PIAS2: variants seen among roughly 807,000 people sequenced by gnomAD.
PIAS2 encodes E3 SUMO-protein ligase PIAS2.
In PIAS2, 19 loss-of-function variants were observed where a neutral mutation model predicts 69.7. The ratio of observed to expected loss-of-function variants is 0.27; its 90% CI spans 0.19 to 0.40. PIAS2 has a LOEUF of 0.40. Ranked by LOEUF, PIAS2 falls within the 10% of genes least tolerant of loss-of-function variation. PIAS2 has a pLI of 1.00. For missense variants in PIAS2, 624 were observed against 757.0 expected (o/e 0.82, Z 2.06); for synonymous variants, 261 against 263.2 (o/e 0.99, Z 0.08).
intron 5 of PIAS2, among the ~76,000 whole-genome samples, chr18:46,849,878 T>C (rs960620515): frequency 2.0e-5 from 3 of 152,134 alleles, no homozygotes; most frequent in Admixed American, 6.5e-5. Flanking sequence ...ACCACAAAAA[T>C]ACACATTTCT....
intron 12 of PIAS2, among the ~76,000 whole-genome samples, chr18:46,819,931 C>T (rs2041985260): frequency 6.6e-6 from 1 of 152,040 alleles, no homozygotes; most frequent in Admixed American, 6.6e-5. Flanking sequence ...ACAGTAGATT[C>T]CCCCTTATCC....
chr18:46,847,107 T>C (rs754944225), intron 5 of PIAS2, among the ~76,000 whole-genome samples: 1 of 152,204 alleles, frequency 6.6e-6, no homozygotes, highest in African/African-American at 2.4e-5. Context: ...TCTTGCCACA[T>C]TGGCTATGAA....
rs2044442379 is a variant in PIAS2 at position 46,836,415 on chromosome 18, T to C, written c.1144A>G (p.Thr382Ala). 2.5e-6 allele frequency: 4 copies of C among 1,614,050 alleles called. No individual in the cohort carries two copies. Among genetic ancestry groups the C allele is most frequent in the East Asian group, 2.2e-5 (1 of 44,874 alleles). ...TTGTCACACACAGGACAAATCCAGG[T>C]GGGCTTTTTCTCATTCATTTGTAGA... ...LYLQMNEKKP[T>A]WICPVCDKKA... The change falls in exon 9 of 14, where the codon ACC (threonine) becomes GCC (alanine). Residue 382 changes from threonine to alanine, a missense_variant. Around this residue, in one of 3 missense-constraint regions of PIAS2, gnomAD observed 44 missense variants for 90.9 expected, o/e 0.48. Coordinates refer to ENST00000585916, the MANE Select transcript of PIAS2 (RefSeq NM_004671.5).
chr18:46,829,206 G>C (rs1451419295), intron 10 of PIAS2, among the ~76,000 whole-genome samples: 2 of 152,196 alleles, frequency 1.3e-5, no homozygotes, highest in African/African-American at 4.8e-5. Context: ...ACTTAGTGTG[G>C]ATGGATGCAG....
intron 2 of PIAS2, among the ~76,000 whole-genome samples, chr18:46,874,988 G>C (rs2050937788): frequency 6.6e-6 from 1 of 152,146 alleles, no homozygotes; most frequent in Non-Finnish European, 1.5e-5. Flanking sequence ...TCCACAGCCA[G>C]AGAAAAATGA....
chr18:46,815,299 TCAGGATA>T lies in PIAS2; in HGVS notation c.1686+6_1686+12del. On this transcript the variant is annotated splice_donor_region_variant and intron_variant, in intron 13 of 13. Transcript: ENST00000585916. ...TCAAATACAAATTAGTTGCTTAAATTCAGGATACATACCTGGGGATCAACTGGAATAA... is the reference window on the plus strand; with the variant it reads ...TCAAATACAAATTAGTTGCTTAAATTCATACCTGGGGATCAACTGGAATAA... 1 of 1,608,734 alleles carries T rather than the reference TCAGGATA, an allele frequency of 6.2e-7. No individual in the cohort carries two copies. Among genetic ancestry groups the T allele is most frequent in the Non-Finnish European group, 8.5e-7 (1 of 1,176,042 alleles).
chr18:46,899,293 G>A (rs1207997009), intron 1 of PIAS2, among the ~76,000 whole-genome samples: 1 of 152,174 alleles, frequency 6.6e-6, no homozygotes, highest in African/African-American at 2.4e-5. Flanking sequence ...CACTGAAATA[G>A]TAACTGAATA....
intron 8 of PIAS2, among the ~76,000 whole-genome samples, chr18:46,838,401 T>C (rs1035399632): frequency 2.0e-5 from 3 of 152,122 alleles, no homozygotes; most frequent in South Asian, 2.1e-4. Flanking sequence ...AGTTAGAAAA[T>C]GGCAGAGCAG....
At chr18:46,824,839 C>CAAA (rs35873943) in intron 11 of PIAS2, among the ~76,000 whole-genome samples, 2 of 91,586 alleles carry the variant, frequency 2.2e-5, no homozygotes, top group South Asian at 3.3e-4. Flanking sequence ...CCCATGTTTA[C>CAAA]AAAAAAAAAA....
intron 2 of PIAS2, among the ~76,000 whole-genome samples, chr18:46,884,050 A>G (rs943460119): frequency 3.9e-5 from 6 of 152,190 alleles, no homozygotes; most frequent in Non-Finnish European, 8.8e-5. Context: ...CAAGCTAACT[A>G]AACTTTTTTT....
At chr18:46,856,009 T>C (rs1469223565) in intron 3 of PIAS2, among the ~76,000 whole-genome samples, 13 of 120,494 alleles carry the variant, frequency 1.1e-4, no homozygotes, top group Non-Finnish European at 2.0e-4. Flanking sequence ...TTTTTTTTTT[T>C]TTTTTTTTTT....
chr18:46,829,182 C>A, intron 10 of PIAS2, among the ~76,000 whole-genome samples: 1 of 152,154 alleles, frequency 6.6e-6, no homozygotes, highest in Non-Finnish European at 1.5e-5. Context: ...ACTCCAAATG[C>A]CCTCAGTTTC....
chr18:46,845,066 T>C, intron 6 of PIAS2: 1 of 295,410 alleles, frequency 3.4e-6, no homozygotes, highest in Non-Finnish European at 6.2e-6. Flanking sequence ...CTTTAAAACA[T>C]TCGCTGGTAT....
rs761262011 is a variant in PIAS2, at chr18:46,914,611, G to C, written c.24+2711C>G. Among the ~76,000 whole-genome samples, 4 of 140,350 alleles carry C rather than the reference G, an allele frequency of 2.9e-5. 1 individual carries two copies. The highest frequency in any genetic ancestry group is 6.0e-5 in the Non-Finnish European group (4 of 66,618). The allele number at this position is 140,350 out of a possible 152,430, so 92.1% of individuals were successfully genotyped here. On this transcript the variant is annotated intron_variant, in intron 1 of 13. Transcript: ENST00000585916. The stretch of plus-strand genomic sequence containing the variant: ...CAAGTCTGAAAAGCAAAGGCACCAG[G>C]GTCACCAAACCACACTGAGGATTAC...
At position 46,828,124 on chromosome 18, in the gene PIAS2, C is replaced by T. The variant is rs373597662; in HGVS notation, c.1343G>A (p.Ser448Asn). The T allele has an allele frequency of 3.8e-6, 6 of 1,590,172 alleles. No individual in the cohort carries two copies. Among genetic ancestry groups the T allele is most frequent in the Non-Finnish European group, 5.1e-6 (6 of 1,171,286 alleles). ...SQPCTKIESS[S>N]VLSKPCSVTV... ...CACTGAACAAGGCTTACTGAGGACG[C>T]TTGAACCTGCATGTAAAGAAACAAA... The change falls in exon 11 of 14, where the codon AGC becomes AAC. Residue 448 changes from serine (S) to asparagine (N), a missense_variant. Ser to Asn is a conservative substitution (Grantham distance 46). Around this residue, in one of 3 missense-constraint regions of PIAS2, gnomAD observed 241 missense variants for 257.3 expected, o/e 0.94. Coordinates refer to ENST00000585916, the MANE Select transcript of PIAS2 (RefSeq NM_004671.5).
At chr18:46,832,440 C>CA (rs938797434) in intron 9 of PIAS2, among the ~76,000 whole-genome samples, 8 of 149,582 alleles carry the variant, frequency 5.3e-5, no homozygotes, top group East Asian at 2.0e-4. Flanking sequence ...AACAAACAAA[C>CA]AAAAAAAAGT....
At chr18:46,870,590 T>C (rs893638704) in intron 2 of PIAS2, among the ~76,000 whole-genome samples, 1 of 112,520 alleles carries the variant, frequency 8.9e-6, no homozygotes, top group African/African-American at 3.5e-5. Flanking sequence ...CACTCCAGCC[T>C]GGGCAACAGA....
chr18:46,917,293 C>G (rs765832714), intron 1 of PIAS2, 29 bp downstream of exon 1: 10 of 1,464,220 alleles, frequency 6.8e-6, no homozygotes, highest in South Asian at 6.5e-5. Flanking sequence ...TCCCCTCCCC[C>G]GCGGCCTCCG....
In PIAS2 at chr18:46,890,643, C is replaced by T. The variant is rs985264040; in HGVS notation, c.436G>A (p.Val146Met). ...SPPIPPVHPDVQLKNLPFYDV... is the reference protein window; with the variant it reads ...SPPIPPVHPDMQLKNLPFYDV... ...TAAAAGGGCAGATTTTTTAACTGCA[C>T]ATCAGGATGGACAGGAGGAATTGGG... The change falls in exon 2 of 14, where the codon GTG becomes ATG. Residue 146 changes from valine (V) to methionine (M), a missense_variant. Physicochemically the swap from Val to Met is conservative, Grantham distance 21. Coordinates refer to ENST00000585916, the MANE Select transcript of PIAS2 (RefSeq NM_004671.5). 1.9e-6 allele frequency: 3 copies of T among 1,613,940 alleles called. No individual in the cohort carries two copies. The highest frequency in any genetic ancestry group is 1.3e-5 in the African/African-American group (1 of 74,876).
Sources: gnomAD v4.1 joint callset for allele counts (sites outside exome capture counted in the v4.1 genomes callset) on GRCh38, gnomAD v4.1.1 for gene constraint, gnomAD v4.1.1 regional missense constraint, MANE v1.5 for transcripts, NCBI Gene and HGNC (gene_info 2026-07-23, HGNC 2026-07-21) for gene names.